Variants in ARB2A observed in about 807,000 individuals in gnomAD.
The protein encoded by ARB2A is ARB2 cotranscriptional regulator A.
At chr5:93,903,424 A>T in the ARB2A span, among the ~76,000 whole-genome samples, 1 of 152,112 alleles carries the variant, frequency 6.6e-6, no homozygotes, top group Non-Finnish European at 1.5e-5. Context: ...TTAACAGTTT[A>T]TAAGAGCTAA....
the ARB2A span, among the ~76,000 whole-genome samples, chr5:93,664,626 G>A: frequency 8.1e-5 from 12 of 147,282 alleles, no homozygotes; most frequent in South Asian, 1.5e-3. Flanking sequence ...GCGAGACTTC[G>A]TCTCAAAAAT....
At chr5:93,728,891 T>C in the ARB2A span, among the ~76,000 whole-genome samples, 2 of 152,156 alleles carry the variant, frequency 1.3e-5, no homozygotes, top group Non-Finnish European at 2.9e-5. Flanking sequence ...GACTGATATA[T>C]TAATCTTTAA....
the ARB2A span, among the ~76,000 whole-genome samples, chr5:93,828,172 T>A: frequency 6.6e-6 from 1 of 152,158 alleles, no homozygotes; most frequent in Admixed American, 6.5e-5. Flanking sequence ...AATCTATAAA[T>A]TACCTTGGGC....
chr5:94,026,471 A>AT, the ARB2A span, among the ~76,000 whole-genome samples: 1 of 151,930 alleles, frequency 6.6e-6, no homozygotes, highest in Non-Finnish European at 1.5e-5. Context: ...CATGAGGATG[A>AT]TTTTTCTCCC....
the ARB2A span, among the ~76,000 whole-genome samples, chr5:93,688,396 G>A: frequency 2.6e-5 from 4 of 152,232 alleles, no homozygotes; most frequent in East Asian, 1.9e-4. Context: ...ATCTTCAAAC[G>A]CATTTCCATT....
the ARB2A span, among the ~76,000 whole-genome samples, chr5:93,948,270 T>C: frequency 6.6e-6 from 1 of 152,248 alleles, no homozygotes; most frequent in African/African-American, 2.4e-5. Context: ...CCAGTGATGA[T>C]GAGCATTTTT....
chr5:93,714,970 A>G, the ARB2A span, among the ~76,000 whole-genome samples: 12 of 152,192 alleles, frequency 7.9e-5, no homozygotes, highest in African/African-American at 1.9e-4. Flanking sequence ...CCCTGCATCA[A>G]GAATTCCTGT....
chr5:93,689,744 G>A, the ARB2A span, among the ~76,000 whole-genome samples: 1 of 151,814 alleles, frequency 6.6e-6, no homozygotes, highest in Non-Finnish European at 1.5e-5. Context: ...CCGGGCTGGA[G>A]TGTAATGGTG....
chr5:93,913,180 T>C, the ARB2A span, among the ~76,000 whole-genome samples: 5 of 151,876 alleles, frequency 3.3e-5, no homozygotes. Context: ...TTAATCTTCC[T>C]AAAAGGGTCC....
the ARB2A span, among the ~76,000 whole-genome samples, chr5:93,627,312 A>G: frequency 2.6e-5 from 4 of 152,148 alleles, no homozygotes; most frequent in South Asian, 2.1e-4. Context: ...ACCTCCTCCC[A>G]TGAATCACAA....
At chr5:93,656,221 G>A in the ARB2A span, among the ~76,000 whole-genome samples, 2 of 152,092 alleles carry the variant, frequency 1.3e-5, no homozygotes, top group African/African-American at 4.8e-5. Flanking sequence ...ATATTTTCCA[G>A]AGAAAAGAAT....
chr5:93,971,269 C>T, the ARB2A span, among the ~76,000 whole-genome samples: 1 of 152,020 alleles, frequency 6.6e-6, no homozygotes, highest in African/African-American at 2.4e-5. Context: ...AAAACTTTCA[C>T]TTTTAACACA....
chr5:93,946,593 T>C, the ARB2A span, among the ~76,000 whole-genome samples: 232 of 152,230 alleles, frequency 1.5e-3, 11 homozygotes, highest in East Asian at 0.038. Flanking sequence ...AGAAAGTGAA[T>C]GATAAATCAA....
At chr5:93,871,106 A>G in the ARB2A span, among the ~76,000 whole-genome samples, 3 of 152,252 alleles carry the variant, frequency 2.0e-5, no homozygotes, top group African/African-American at 7.2e-5. Context: ...TTTGTGGTCA[A>G]TGATACAAAC....
At chr5:93,854,520 CT>C in the ARB2A span, among the ~76,000 whole-genome samples, 1 of 152,058 alleles carries the variant, frequency 6.6e-6, no homozygotes, top group Admixed American at 6.5e-5. Flanking sequence ...TTTGCTCTTG[CT>C]TTTCTAGTTA....
At chr5:93,820,239 A>G in the ARB2A span, among the ~76,000 whole-genome samples, 1 of 152,238 alleles carries the variant, frequency 6.6e-6, no homozygotes, top group African/African-American at 2.4e-5. Context: ...TGAGCACTGC[A>G]AACGGGGAAG....
chr5:93,951,905 A>C, the ARB2A span, among the ~76,000 whole-genome samples: 1,278 of 152,362 alleles, frequency 8.4e-3, 14 homozygotes, highest in African/African-American at 0.03. Flanking sequence ...TAAATATAAG[A>C]GATAACTTAC....
the ARB2A span, among the ~76,000 whole-genome samples, chr5:93,750,277 T>C: frequency 6.6e-6 from 1 of 152,222 alleles, no homozygotes; most frequent in Non-Finnish European, 1.5e-5. Context: ...TATCTAAAAA[T>C]TCAAGCCTTG....
the ARB2A span, chr5:93,784,056 A>G: frequency 1.1e-5 from 2 of 175,178 alleles, no homozygotes; most frequent in African/African-American, 4.7e-5. Flanking sequence ...AATGCTAAAT[A>G]ACTGGTGGAA....
Sources: allele counts gnomAD v4.1 joint callset (sites outside exome capture counted in the v4.1 genomes callset), GRCh38; gene constraint gnomAD v4.1.1; transcripts MANE v1.5; gene names NCBI Gene and HGNC (gene_info 2026-07-23, HGNC 2026-07-21).